Variants in TUBGCP4 observed in about 807,000 individuals in gnomAD.
TUBGCP4 encodes tubulin gamma complex component 4.
TUBGCP4 carries 54 observed loss-of-function variants against 91.6 expected under a neutral mutation model. That is an observed-to-expected ratio of 0.59 (90% confidence interval 0.47 to 0.74). The LOEUF is 0.74. Among genes scored for constraint, TUBGCP4 ranks in the 30% least tolerant of loss-of-function variants. The probability of loss-of-function intolerance (pLI) is 0.00; values close to 1 mark genes in which losing one functional copy is unlikely to be tolerated. For missense variants in TUBGCP4, 593 were observed against 800.9 expected, an observed-to-expected ratio of 0.74 and a Z score of 3.13; for synonymous variants, 297 against 302.8, an observed-to-expected ratio of 0.98 and a Z score of 0.20.
intron 13 of TUBGCP4, among the ~76,000 whole-genome samples, chr15:43,399,638 A>G (rs1261935368): frequency 6.6e-6 from 1 of 152,152 alleles, no homozygotes; most frequent in Non-Finnish European, 1.5e-5. Context: ...GAGCCAACAC[A>G]CCTGGCCTGC....
intron 2 of TUBGCP4, 29 bp from the exon 3 acceptor site, chr15:43,376,474 G>A: frequency 6.2e-7 from 1 of 1,614,178 alleles, no homozygotes; most frequent in African/African-American, 1.3e-5. Flanking sequence ...CCTGAGCTGA[G>A]AAGTTGGCTT....
intron 6 of TUBGCP4, among the ~76,000 whole-genome samples, chr15:43,382,493 C>G (rs1312473961): frequency 6.6e-6 from 1 of 152,162 alleles, no homozygotes; most frequent in Non-Finnish European, 1.5e-5. Context: ...TTGGATGACG[C>G]TGACATTTTA....
intron 9 of TUBGCP4, among the ~76,000 whole-genome samples, chr15:43,391,124 C>G (rs898927759): frequency 4.6e-5 from 7 of 151,792 alleles, no homozygotes; most frequent in African/African-American, 1.7e-4. Flanking sequence ...TTCCTGGGCT[C>G]AAGCAATCTT....
In TUBGCP4 at chr15:43,409,482, C is replaced by A. The variant is rs1595517258; in HGVS notation, c.*4268C>A. The A allele has an allele frequency of 1.9e-6, 1 of 522,868 alleles. No homozygotes were observed. Among genetic ancestry groups the A allele is most frequent in the Non-Finnish European group, 3.4e-6 (1 of 297,128 alleles). The allele number at this position is 522,868 out of a possible 1,614,324, so 32.4% of individuals were successfully genotyped here. A position where few individuals can be genotyped will look rare whatever the true frequency, so the allele number is the denominator to read the frequency against. ...GGTCCTACCTTCTCTTCCCTATACA[C>A]AACAAAAATTCTATTTCATGCAAAA... On this transcript the variant is annotated 3_prime_UTR_variant, in exon 18 of 18. Transcript: ENST00000564079.
At chr15:43,375,660 A>C (rs934406988) in intron 1 of TUBGCP4, among the ~76,000 whole-genome samples, 2 of 152,224 alleles carry the variant, frequency 1.3e-5, no homozygotes, top group African/African-American at 4.8e-5. Context: ...GAAAACTTCT[A>C]TAGGGAATTT....
Position 43,408,796 on chromosome 15 carries a change from T to C in TUBGCP4, c.*3582T>C. 2.5e-6 allele frequency: 3 copies of C among 1,197,838 alleles called. No individual in the cohort carries two copies. Among genetic ancestry groups the C allele is most frequent in the Non-Finnish European group, 3.6e-6 (3 of 832,998 alleles). 74.2% of individuals were successfully genotyped at this position (1,197,838 alleles called of 1,614,324 possible). A position where few individuals can be genotyped will look rare whatever the true frequency, so the allele number is the denominator to read the frequency against. On this transcript the variant is annotated 3_prime_UTR_variant, in exon 18 of 18. Transcript: ENST00000564079. Reference sequence around the variant, plus strand: ...CCACTCAAATTTATCCCACAGACATTCCAATTTCTAGAAAGCTTTACTCTC... The same window carrying C: ...CCACTCAAATTTATCCCACAGACATCCCAATTTCTAGAAAGCTTTACTCTC...
intron 1 of TUBGCP4, among the ~76,000 whole-genome samples, chr15:43,371,656 A>G (rs2044124776): frequency 1.3e-5 from 2 of 151,968 alleles, no homozygotes; most frequent in Non-Finnish European, 2.9e-5. Flanking sequence ...GAAGAGCCCC[A>G]CCTGTGGCGG....
At chr15:43,400,317 T>C in intron 14 of TUBGCP4, 96 bp downstream of exon 14, 1 of 1,010,012 alleles carries the variant, frequency 9.9e-7, no homozygotes, top group Non-Finnish European at 1.4e-6. Context: ...TTCTATTTGA[T>C]AAAATGGTGG....
chr15:43,386,725 CAAAAAAAAAA>C (rs10718458), intron 9 of TUBGCP4, among the ~76,000 whole-genome samples: 1 of 67,012 alleles, frequency 1.5e-5, no homozygotes, highest in Non-Finnish European at 2.9e-5. Flanking sequence ...ACTCTGTCTC[CAAAAAAAAAA>C]AAAAAAAAAA....
chr15:43,377,844 C>T lies in TUBGCP4; in HGVS notation c.385-3C>T. 6.2e-7 allele frequency: 1 copy of T among 1,600,266 alleles called. No individual in the cohort carries two copies. ...ACCCTTCTAATTATTCTCTACTTTGCAGTTCCAGCTTCTTTTTCCCTCTGT... is the reference window on the plus strand; with the variant it reads ...ACCCTTCTAATTATTCTCTACTTTGTAGTTCCAGCTTCTTTTTCCCTCTGT... On this transcript the variant is annotated splice_region_variant and splice_polypyrimidine_tract_variant and intron_variant, in intron 4 of 17. Coordinates refer to ENST00000564079, the MANE Select transcript of TUBGCP4 (RefSeq NM_014444.5).
At chr15:43,376,673 G>T (rs748070755) in intron 3 of TUBGCP4, 48 bp downstream of exon 3, 2 of 1,611,004 alleles carry the variant, frequency 1.2e-6, no homozygotes, top group South Asian at 2.2e-5. Context: ...GTAGATTAGG[G>T]CATGTTCTTG....
chr15:43,408,814 T>C lies in TUBGCP4; in HGVS notation c.*3600T>C. The C allele has an allele frequency of 7.2e-7, 1 of 1,391,912 alleles. No individual in the cohort carries two copies. Among genetic ancestry groups the C allele is most frequent in the Non-Finnish European group, 1.0e-6 (1 of 989,906 alleles). The allele number at this position is 1,391,912 out of a possible 1,614,324, so 86.2% of individuals were successfully genotyped here. Reference sequence around the variant, plus strand: ...CAGACATTCCAATTTCTAGAAAGCTTTACTCTCTCACCTAGATTCTCTTCC... The same window carrying C: ...CAGACATTCCAATTTCTAGAAAGCTCTACTCTCTCACCTAGATTCTCTTCC... On this transcript the variant is annotated 3_prime_UTR_variant, in exon 18 of 18. Transcript: ENST00000564079.
At chr15:43,385,447 A>G (rs1396748482) in intron 7 of TUBGCP4, 2 of 464,408 alleles carry the variant, frequency 4.3e-6, no homozygotes, top group Admixed American at 2.4e-5. Context: ...GAGGAGCACC[A>G]GCAGAGAAGA....
chr15:43,374,366 T>G (rs948010283), intron 1 of TUBGCP4, among the ~76,000 whole-genome samples: 1 of 152,100 alleles, frequency 6.6e-6, no homozygotes, highest in East Asian at 1.9e-4. Context: ...CTCAGCACTT[T>G]GGGAGGGTGA....
intron 14 of TUBGCP4, among the ~76,000 whole-genome samples, chr15:43,400,493 A>C (rs943721583): frequency 2.6e-5 from 4 of 152,058 alleles, no homozygotes; most frequent in Non-Finnish European, 5.9e-5. Flanking sequence ...AAGCTCCTGG[A>C]CTCAAGTGAT....
At position 43,406,646 on chromosome 15, in the gene TUBGCP4, A is replaced by G. The variant is rs1258723987; in HGVS notation, c.*1432A>G. On this transcript the variant is annotated 3_prime_UTR_variant, in exon 18 of 18. Transcript: ENST00000564079. ...TGCTTTAGAGAATGAGAAGCCATGC[A>G]GGGATCAGTGATGCCAGAGGAAGGG... is the stretch of plus-strand genomic sequence containing the variant. 2.2e-6 allele frequency: 1 copy of G among 455,950 alleles called. No individual in the cohort carries two copies. The highest frequency in any genetic ancestry group is 6.9e-5 in the East Asian group (1 of 14,398). The allele number at this position is 455,950 out of a possible 1,614,324, so 28.2% of individuals were successfully genotyped here.
chr15:43,377,538 A>G, intron 4 of TUBGCP4: 1 of 313,720 alleles, frequency 3.2e-6, no homozygotes, highest in South Asian at 4.2e-5. Context: ...TTCTGAATCC[A>G]GGGGTGGAGG....
At chr15:43,400,256 C>T (rs758472310) in intron 14 of TUBGCP4, 35 bp downstream of exon 14, 28 of 1,583,862 alleles carry the variant, frequency 1.8e-5, no homozygotes, top group African/African-American at 6.7e-5. Context: ...GGAAGGGGTA[C>T]GGAAAAACGT....
At chr15:43,401,538 C>T (rs1327139842) in intron 14 of TUBGCP4, among the ~76,000 whole-genome samples, 178 bp from the exon 15 acceptor site, 1 of 151,766 alleles carries the variant, frequency 6.6e-6, no homozygotes, top group Non-Finnish European at 1.5e-5. Flanking sequence ...CAGAATTATG[C>T]AAATAACTTC....
Sources: gnomAD v4.1 joint callset for allele counts (sites outside exome capture counted in the v4.1 genomes callset) on GRCh38, gnomAD v4.1.1 for gene constraint, MANE v1.5 for transcripts, NCBI Gene and HGNC (gene_info 2026-07-23, HGNC 2026-07-21) for gene names.